The following PSMA6 variants were observed in gnomAD, a reference collection of about 807,000 sequenced individuals.
The protein encoded by PSMA6 is proteasome 20S subunit alpha 6.
For synonymous variants in PSMA6, 88 were observed against 97.7 expected (o/e 0.90, Z 0.59); for missense variants, 170 against 294.8 (o/e 0.58, Z 3.10).
In PSMA6 at chr14:35,296,409, C is replaced by T. The variant is rs986843496; in HGVS notation, c.76+3857C>T. Among the ~76,000 whole-genome samples, 88 of 152,158 alleles carry T rather than the reference C, an allele frequency of 5.8e-4. 4 individuals are homozygous for T. The highest frequency in any genetic ancestry group is 2.9e-5 in the Non-Finnish European group (2 of 68,032). Reference sequence around the variant, plus strand: ...GCAATGGCGTGATCTCAGCTCACTGCAACCTCTGCCTTCTGGGTTCAAGTG... The same window carrying T: ...GCAATGGCGTGATCTCAGCTCACTGTAACCTCTGCCTTCTGGGTTCAAGTG... On this transcript the variant is annotated intron_variant, in intron 1 of 6. Transcript: ENST00000261479.
intron 1 of PSMA6, 114 bp downstream of exon 1, chr14:35,292,666 G>A: frequency 6.6e-7 from 1 of 1,516,686 alleles, no homozygotes; most frequent in Non-Finnish European, 8.9e-7. Context: ...GCTGGAGCTG[G>A]GAAGGGAGAA....
intron 1 of PSMA6, chr14:35,293,077 G>T (rs567752729): frequency 4.4e-6 from 2 of 450,096 alleles, no homozygotes; most frequent in South Asian, 1.6e-5. Context: ...ACAGCTTAGA[G>T]TGACAGATAC....
intron 1 of PSMA6, among the ~76,000 whole-genome samples, chr14:35,296,796 GC>G (rs928903130): frequency 1.7e-4 from 26 of 152,192 alleles, no homozygotes; most frequent in African/African-American, 6.0e-4. Context: ...GGCTTCTCAT[GC>G]CCTCTTTGAA....
At position 35,283,552 on chromosome 14, in the gene PSMA6, C is replaced by CT. The variant is rs750836861; in HGVS notation, c.19+4853dup. On this transcript the variant is annotated intron_variant, in intron 1 of 6. Coordinates refer to the PSMA6 transcript ENST00000540871. ...TGTAATAGGATGTTAGACTAGAACT[C>CT]TTTTTTTTTTTTTTTTTTTAGGAGA... Among the ~76,000 whole-genome samples the CT allele has an allele frequency of 6.6e-3, 836 of 126,650 alleles. 11 individuals carry two copies. Among genetic ancestry groups the CT allele is most frequent in the African/African-American group, 0.012 (403 of 34,170 alleles). The allele number at this position is 126,650 out of a possible 152,430, so 83.1% of individuals were successfully genotyped here. A position where few individuals can be genotyped will look rare whatever the true frequency, so the allele number is the denominator to read the frequency against.
chr14:35,292,353 A>C (rs1329761417), upstream of PSMA6: 68 of 1,525,044 alleles, frequency 4.5e-5, no homozygotes, highest in Non-Finnish European at 5.7e-5. Context: ...TTCGGCATGC[A>C]AGAGCGGAAG....
chr14:35,299,571 C>G (rs2051670967), intron 1 of PSMA6, among the ~76,000 whole-genome samples: 2 of 152,004 alleles, frequency 1.3e-5, no homozygotes. Context: ...ATCCACCCGC[C>G]TCGGCCTCCC....
chr14:35,291,538 A>G (rs1358796649), upstream of PSMA6, among the ~76,000 whole-genome samples: 1 of 151,048 alleles, frequency 6.6e-6, no homozygotes, highest in African/African-American at 2.4e-5. Flanking sequence ...CAAGACTAAA[A>G]ATTGCCTGGG....
chr14:35,309,511 G>A (rs1459920091), intron 3 of PSMA6, among the ~76,000 whole-genome samples: 1 of 152,136 alleles, frequency 6.6e-6, no homozygotes, highest in African/African-American at 2.4e-5. Context: ...TTAGCTAGGG[G>A]CTGGTCACGG....
intron 1 of PSMA6, among the ~76,000 whole-genome samples, chr14:35,302,466 T>C (rs1290834758): frequency 6.6e-6 from 1 of 152,176 alleles, no homozygotes; most frequent in African/African-American, 2.4e-5. Flanking sequence ...ATTTTTTCTA[T>C]TTTTGGTTTT....
rs2051888629 is a variant in PSMA6, at chr14:35,309,075, TATTA to T, written c.253+84_253+87del. 6 of 1,141,226 alleles carry T rather than the reference TATTA, an allele frequency of 5.3e-6. No homozygotes were observed. In the South Asian group the frequency reaches 8.6e-5, roughly 16 times the overall value. The allele number at this position is 1,141,226 out of a possible 1,614,324, so 70.7% of individuals were successfully genotyped here. A position where few individuals can be genotyped will look rare whatever the true frequency, so the allele number is the denominator to read the frequency against. On this transcript the variant is annotated intron_variant, in intron 3 of 6. Transcript: ENST00000261479. ...TTTCTTCAAATTATTTTGAGTTTTG[TATTA>T]ATTTTAAACTTATTGCCTGATTTTC...
At chr14:35,284,671 A>G (rs960576566) in intron 1 of PSMA6, among the ~76,000 whole-genome samples, 3 of 152,180 alleles carry the variant, frequency 2.0e-5, no homozygotes, top group Non-Finnish European at 2.9e-5. Context: ...CTTTAAGTGA[A>G]TACCCCTCTT....
rs907081731 is a variant in PSMA6 at position 35,308,110 on chromosome 14, G to A, written c.171+22G>A. 6 of 1,611,562 alleles carry A rather than the reference G, an allele frequency of 3.7e-6. No homozygotes were observed. In the Admixed American group the frequency reaches 1.0e-4, roughly 27 times the overall value. On this transcript the variant is annotated intron_variant, in intron 2 of 6. Transcript: ENST00000261479. ...ACCTGTAAGTAATACTGCCCAAATA[G>A]TTAATAATTGCAGAATATAAGAATT... is the stretch of plus-strand genomic sequence containing the variant.
chr14:35,290,367 T>A (rs1413861255), upstream of PSMA6, among the ~76,000 whole-genome samples: 1 of 152,152 alleles, frequency 6.6e-6, no homozygotes. Context: ...GAGGAGTTGG[T>A]CCTGAGAGTA....
At chr14:35,284,914 CT>C (rs2051404426) in intron 1 of PSMA6, among the ~76,000 whole-genome samples, 1 of 152,162 alleles carries the variant, frequency 6.6e-6, no homozygotes, top group Non-Finnish European at 1.5e-5. Flanking sequence ...AGTTTTTAAT[CT>C]TTGGAATGTT....
At chr14:35,304,034 G>A (rs192867737) in intron 1 of PSMA6, among the ~76,000 whole-genome samples, 8 of 151,782 alleles carry the variant, frequency 5.3e-5, no homozygotes, top group Non-Finnish European at 1.2e-4. Flanking sequence ...GTGTAGTGGT[G>A]CAATCTCAGC....
chr14:35,292,725 G>T, intron 1 of PSMA6, 173 bp downstream of exon 1: 1 of 1,248,948 alleles, frequency 8.0e-7, no homozygotes, highest in South Asian at 1.6e-5. Flanking sequence ...CCGTCTGGAC[G>T]CAGGGATCGG....
intron 1 of PSMA6, among the ~76,000 whole-genome samples, chr14:35,300,266 C>T (rs777415267): frequency 3.9e-5 from 6 of 151,970 alleles, no homozygotes; most frequent in South Asian, 2.1e-4. Context: ...GCCAGGAGTT[C>T]GAAACTAGCC....
At chr14:35,307,019 G>A (rs1011084358) in intron 1 of PSMA6, among the ~76,000 whole-genome samples, 1 of 151,854 alleles carries the variant, frequency 6.6e-6, no homozygotes, top group South Asian at 2.1e-4. Flanking sequence ...ATGGTGGTGT[G>A]CACCTGTAAT....
intron 3 of PSMA6, 25 bp from the exon 4 acceptor site, chr14:35,310,715 A>T: frequency 6.2e-7 from 1 of 1,610,464 alleles, no homozygotes; most frequent in Non-Finnish European, 8.5e-7. Context: ...CTAACCAGGT[A>T]AATCTTTGTT....
Sources: gnomAD v4.1 joint callset for allele counts (sites outside exome capture counted in the v4.1 genomes callset) on GRCh38, gnomAD v4.1.1 for gene constraint, MANE v1.5 for transcripts, NCBI Gene and HGNC (gene_info 2026-07-23, HGNC 2026-07-21) for gene names.